Variants in FRRS1 observed in about 807,000 individuals in gnomAD.
The protein encoded by FRRS1 is ferric reductase 1.
FRRS1 carries 51 observed loss-of-function variants against 70.7 expected under a neutral mutation model. The observed-to-expected ratio is 0.72, with a 90% CI of 0.58 to 0.91. FRRS1 has a LOEUF of 0.91. Ranked by LOEUF, FRRS1 falls within the 40% of genes least tolerant of loss-of-function variation. The probability of loss-of-function intolerance (pLI) is 0.00; values close to 1 mark genes in which losing one functional copy is unlikely to be tolerated. For missense variants in FRRS1, 672 were observed against 726.0 expected (o/e 0.93, Z 0.86); for synonymous variants, 225 against 238.7 (o/e 0.94, Z 0.53).
At chr1:99,726,376 A>G (rs566130274) in intron 9 of FRRS1, among the ~76,000 whole-genome samples, 4 of 152,220 alleles carry the variant, frequency 2.6e-5, no homozygotes, top group Non-Finnish European at 5.9e-5. Flanking sequence ...GAACAGACTA[A>G]TACAGACACC....
chr1:99,725,152 C>T (rs1024347241), intron 9 of FRRS1, among the ~76,000 whole-genome samples: 4 of 152,054 alleles, frequency 2.6e-5, no homozygotes, highest in African/African-American at 9.7e-5. Context: ...GGTTCGTGCT[C>T]CTATGAGAAT....
chr1:99,744,013 C>T (rs544587484), intron 4 of FRRS1, among the ~76,000 whole-genome samples: 12 of 149,704 alleles, frequency 8.0e-5, no homozygotes, highest in African/African-American at 3.0e-4. Flanking sequence ...AGGTCTGCTG[C>T]TGCAGTTGCC....
intron 11 of FRRS1, 23 bp downstream of exon 11, chr1:99,717,387 T>C (rs369009721): frequency 2.2e-5 from 30 of 1,387,788 alleles, no homozygotes; most frequent in Non-Finnish European, 3.1e-5. Context: ...GAATATTGCA[T>C]TGAACTTTTT....
At chr1:99,709,785 A>G (rs1654185702) in intron 15 of FRRS1, among the ~76,000 whole-genome samples, 2 of 152,212 alleles carry the variant, frequency 1.3e-5, no homozygotes, top group South Asian at 2.1e-4. Context: ...CTGGGCAACA[A>G]AGTGAGACCC....
chr1:99,723,562 G>A (rs1654939729), intron 9 of FRRS1, among the ~76,000 whole-genome samples: 1 of 152,066 alleles, frequency 6.6e-6, no homozygotes, highest in South Asian at 2.1e-4. Flanking sequence ...TTATCTAGAA[G>A]AACAGATACA....
At chr1:99,762,479 CT>C (rs34305090) in intron 1 of FRRS1, among the ~76,000 whole-genome samples, 204 of 139,878 alleles carry the variant, frequency 1.5e-3, no homozygotes, top group Middle Eastern at 7.5e-3. Flanking sequence ...TTTTTTTTCC[CT>C]TTTTTTTTTT....
rs147812064 is a variant in FRRS1, at chr1:99,745,755, T to C, written c.333+1539A>G. On this transcript the variant is annotated intron_variant, in intron 4 of 16. Coordinates refer to ENST00000646001, the MANE Select transcript of FRRS1 (RefSeq NM_001361041.2). Reference sequence around the variant, plus strand: ...GTCCCCACCCAACTCTCAAGTTAAATTGCAATCCCCAGTGTTGGAGGTGGG... The same window carrying C: ...GTCCCCACCCAACTCTCAAGTTAAACTGCAATCCCCAGTGTTGGAGGTGGG... 5.2e-3 allele frequency among the ~76,000 whole-genome samples: 796 copies of C among 152,306 alleles called. 7 individuals carry two copies. The Middle Eastern group carries it at 0.092, about 18-fold the overall frequency.
intron 10 of FRRS1, among the ~76,000 whole-genome samples, chr1:99,719,178 A>C (rs1654680313): frequency 6.6e-6 from 1 of 152,086 alleles, no homozygotes; most frequent in Non-Finnish European, 1.5e-5. Flanking sequence ...TTGGAGGCCT[A>C]GGCGGGCAGA....
At chr1:99,749,219 G>C (rs1401240605) in intron 1 of FRRS1, among the ~76,000 whole-genome samples, 1 of 152,128 alleles carries the variant, frequency 6.6e-6, no homozygotes, top group Non-Finnish European at 1.5e-5. Context: ...TATTTTGGTA[G>C]AGACGGAGTT....
At chr1:99,726,691 A>AC (rs1655092376) in intron 9 of FRRS1, among the ~76,000 whole-genome samples, 2 of 152,190 alleles carry the variant, frequency 1.3e-5, no homozygotes, top group Non-Finnish European at 2.9e-5. Flanking sequence ...ATTAAAAATT[A>AC]ATTCCCTACA....
intron 4 of FRRS1, among the ~76,000 whole-genome samples, chr1:99,744,969 C>CAAAAAAAAAAAAAAAA (rs71075450): frequency 1.1e-5 from 1 of 91,746 alleles, no homozygotes; most frequent in Non-Finnish European, 2.1e-5. Flanking sequence ...GACTCCGTCT[C>CAAAAAAAAAAAAAAAA]AAAAAAAAAA....
At chr1:99,727,916 G>C (rs1375963392) in intron 9 of FRRS1, among the ~76,000 whole-genome samples, 1 of 152,222 alleles carries the variant, frequency 6.6e-6, no homozygotes, top group Admixed American at 6.5e-5. Flanking sequence ...CTTGGCATCA[G>C]AGTCACGTAG....
intron 7 of FRRS1, among the ~76,000 whole-genome samples, chr1:99,737,365 G>A (rs1309190215): frequency 6.6e-6 from 1 of 152,144 alleles, no homozygotes; most frequent in African/African-American, 2.4e-5. Context: ...TTTTAGGAAA[G>A]GCACTGATGA....
At chr1:99,733,275 TAA>T (rs906317616) in intron 7 of FRRS1, among the ~76,000 whole-genome samples, 9 of 152,008 alleles carry the variant, frequency 5.9e-5, no homozygotes, top group Non-Finnish European at 1.3e-4. Flanking sequence ...AAGCAGACAG[TAA>T]AACTACAAGC....
Position 99,740,951 on chromosome 1 carries a change from A to G in FRRS1, c.429-11T>C, listed in dbSNP as rs1300834439. ...TCAACAACTGTGACTCTGAAATGCAATACCAGTGAGATTAGAACCCTAATT... is the reference window on the plus strand; with the variant it reads ...TCAACAACTGTGACTCTGAAATGCAGTACCAGTGAGATTAGAACCCTAATT... On this transcript the variant is annotated splice_polypyrimidine_tract_variant and intron_variant, in intron 5 of 16. Coordinates refer to ENST00000646001, the MANE Select transcript of FRRS1 (RefSeq NM_001361041.2). The G allele has an allele frequency of 1.9e-6, 3 of 1,609,792 alleles. No homozygotes were observed. Among genetic ancestry groups the G allele is most frequent in the Non-Finnish European group, 2.6e-6 (3 of 1,176,050 alleles).
At chr1:99,760,658 CTTT>C (rs895890631) in intron 1 of FRRS1, among the ~76,000 whole-genome samples, 1 of 151,402 alleles carries the variant, frequency 6.6e-6, no homozygotes, top group Admixed American at 6.6e-5. Flanking sequence ...GGAAAGACTT[CTTT>C]TTTTTTGAGA....
intron 1 of FRRS1, among the ~76,000 whole-genome samples, chr1:99,761,759 G>A (rs1392151387): frequency 1.3e-5 from 2 of 151,498 alleles, no homozygotes; most frequent in Non-Finnish European, 2.9e-5. Context: ...TGTTTTTACT[G>A]GTATGGAAAC....
At position 99,707,206 on chromosome 1, in the gene FRRS1, G is replaced by A. The variant is rs1654058173; in HGVS notation, c.*1822C>T. Among the ~76,000 whole-genome samples the A allele has an allele frequency of 6.6e-6, 1 of 151,832 alleles. No homozygotes were observed. The highest frequency in any genetic ancestry group is 1.5e-5 in the Non-Finnish European group (1 of 67,962). On this transcript the variant is annotated 3_prime_UTR_variant, in exon 17 of 17. Coordinates refer to ENST00000646001, the MANE Select transcript of FRRS1 (RefSeq NM_001361041.2). Reference sequence around the variant, plus strand: ...CAGTAAAAGATGTAGGCTATTAGTAGAAAGTTGGTTAAGTAAATTCAAAAA... The same window carrying A: ...CAGTAAAAGATGTAGGCTATTAGTAAAAAGTTGGTTAAGTAAATTCAAAAA...
intron 7 of FRRS1, among the ~76,000 whole-genome samples, chr1:99,733,671 G>A (rs1450848737): frequency 1.3e-5 from 2 of 152,152 alleles, no homozygotes; most frequent in Non-Finnish European, 2.9e-5. Context: ...TATATAAAAG[G>A]GAAAGGCAAG....
Sources: allele counts gnomAD v4.1 joint callset (sites outside exome capture counted in the v4.1 genomes callset), GRCh38; gene constraint gnomAD v4.1.1; transcripts MANE v1.5; gene names NCBI Gene and HGNC (gene_info 2026-07-23, HGNC 2026-07-21).